Variants in CIMAP2 observed in about 807,000 individuals in gnomAD.
CIMAP2 encodes the protein ciliary microtubule-associated protein 2.
chr1:54,807,479 G>T, the CIMAP2 span: 1 of 1,454,896 alleles, frequency 6.9e-7, no homozygotes, highest in South Asian at 1.5e-5. Flanking sequence ...TCTGTGGGTA[G>T]ACTGGGCGGG....
At chr1:54,839,442 A>C in the CIMAP2 span, among the ~76,000 whole-genome samples, 2 of 151,768 alleles carry the variant, frequency 1.3e-5, no homozygotes, top group Non-Finnish European at 2.9e-5. Flanking sequence ...CAATGGCGCG[A>C]TCTCGGCTCA....
At chr1:54,814,750 G>A in the CIMAP2 span, among the ~76,000 whole-genome samples, 33 of 152,306 alleles carry the variant, frequency 2.2e-4, no homozygotes, top group East Asian at 5.6e-3. Flanking sequence ...TGGGTCATGA[G>A]GGCCCCTTTG....
At chr1:54,835,435 C>T in the CIMAP2 span, among the ~76,000 whole-genome samples, 9 of 152,030 alleles carry the variant, frequency 5.9e-5, no homozygotes, top group Non-Finnish European at 1.2e-4. Context: ...GTGATCTGCC[C>T]GCCTCGGCCT....
chr1:54,806,117 A>C, the CIMAP2 span: 7 of 1,535,020 alleles, frequency 4.6e-6, no homozygotes, highest in South Asian at 7.2e-5. Context: ...CAGGCCTGCC[A>C]TGAGGGAAAG....
the CIMAP2 span, among the ~76,000 whole-genome samples, chr1:54,815,506 A>C: frequency 6.6e-6 from 1 of 152,050 alleles, no homozygotes; most frequent in Admixed American, 6.5e-5. Context: ...AAGCTGGTGC[A>C]TTTCCCGTCC....
the CIMAP2 span, among the ~76,000 whole-genome samples, chr1:54,829,629 C>T: frequency 6.6e-6 from 1 of 152,158 alleles, no homozygotes; most frequent in Non-Finnish European, 1.5e-5. Flanking sequence ...TTTCAGGTGA[C>T]CAGAAAAAGT....
the CIMAP2 span, chr1:54,817,107 G>C: frequency 6.2e-7 from 1 of 1,614,044 alleles, no homozygotes; most frequent in Admixed American, 1.7e-5. Flanking sequence ...GACCTGGCCC[G>C]GGACATGCTC....
the CIMAP2 span, chr1:54,813,708 A>G: frequency 2.3e-6 from 3 of 1,287,936 alleles, no homozygotes; most frequent in Admixed American, 2.7e-5. Flanking sequence ...GCACAGCAGG[A>G]TAGTAAGTGA....
the CIMAP2 span, among the ~76,000 whole-genome samples, chr1:54,822,555 C>A: frequency 6.6e-6 from 1 of 152,062 alleles, no homozygotes; most frequent in African/African-American, 2.4e-5. Flanking sequence ...TTGCTATATT[C>A]TTCTTCCCTG....
the CIMAP2 span, among the ~76,000 whole-genome samples, chr1:54,828,468 A>T: frequency 2.0e-5 from 3 of 152,132 alleles, no homozygotes; most frequent in African/African-American, 7.2e-5. Flanking sequence ...AGTAGCTGGG[A>T]CTACAGGCAT....
the CIMAP2 span, among the ~76,000 whole-genome samples, chr1:54,818,588 G>A: frequency 0.61 from 92,908 of 151,768 alleles, 29,014 homozygotes; most frequent in South Asian, 0.75. Context: ...GCAGTGTGCA[G>A]TATGTTCTTT....
the CIMAP2 span, chr1:54,813,666 G>C: frequency 1.2e-6 from 1 of 822,450 alleles, no homozygotes; most frequent in Non-Finnish European, 1.6e-6. Flanking sequence ...GGGGCCTTGA[G>C]GCTGGCCCGG....
the CIMAP2 span, chr1:54,806,295 C>A: frequency 7.3e-7 from 1 of 1,376,696 alleles, no homozygotes; most frequent in Non-Finnish European, 9.6e-7. Flanking sequence ...CCACGCTTGG[C>A]CTCGGGAGAG....
At chr1:54,806,864 C>T in the CIMAP2 span, 1 of 831,718 alleles carries the variant, frequency 1.2e-6, no homozygotes, top group Non-Finnish European at 2.1e-6. Context: ...ACTGCAACTC[C>T]ACTACTTTTC....
At chr1:54,807,919 C>A in the CIMAP2 span, 2 of 1,607,420 alleles carry the variant, frequency 1.2e-6, no homozygotes. Context: ...CTCCTACAAC[C>A]TCAAAGACTT....
the CIMAP2 span, chr1:54,807,160 G>A: frequency 9.1e-6 from 13 of 1,434,642 alleles, no homozygotes; most frequent in Non-Finnish European, 1.3e-5. Flanking sequence ...TGTGGTGGAT[G>A]AGCTGAGCTG....
At chr1:54,840,994 G>C in the CIMAP2 span, among the ~76,000 whole-genome samples, 1 of 152,228 alleles carries the variant, frequency 6.6e-6, no homozygotes. Flanking sequence ...TGCCTCAATA[G>C]TAGAAATGAG....
the CIMAP2 span, among the ~76,000 whole-genome samples, chr1:54,813,024 C>A: frequency 6.6e-6 from 1 of 152,230 alleles, no homozygotes; most frequent in Non-Finnish European, 1.5e-5. Context: ...TGGAGCCCCC[C>A]AGACCTCCCC....
the CIMAP2 span, among the ~76,000 whole-genome samples, chr1:54,840,545 T>A: frequency 1.3e-5 from 2 of 152,240 alleles, no homozygotes; most frequent in African/African-American, 4.8e-5. Context: ...TGTATAACTT[T>A]GTAAGAAGCT....
Sources: allele counts gnomAD v4.1 joint callset (sites outside exome capture counted in the v4.1 genomes callset), GRCh38; gene constraint gnomAD v4.1.1; transcripts MANE v1.5; gene names NCBI Gene and HGNC (gene_info 2026-07-23, HGNC 2026-07-21).